Variants in PCSK5 observed in about 807,000 individuals in gnomAD.
PCSK5 encodes the protein prohormone convertase 5.
In PCSK5, 129 loss-of-function variants were observed where a neutral mutation model predicts 233.2. The observed-to-expected ratio is 0.55, with a 90% confidence interval of 0.48 to 0.64. The LOEUF is 0.64. PCSK5 is among the 30% of genes least tolerant of loss of function. The pLI is 0.00. For missense variants in PCSK5, 2,076 were observed against 2,430.1 expected, an observed-to-expected ratio of 0.85 and a Z score of 3.06; for synonymous variants, 825 against 879.2, an observed-to-expected ratio of 0.94 and a Z score of 1.09.
chr9:76,088,063 A>G (rs955803112), intron 7 of PCSK5, among the ~76,000 whole-genome samples: 16 of 152,226 alleles, frequency 1.1e-4, no homozygotes, highest in Admixed American at 1.3e-4. Context: ...AGGTACTCCC[A>G]TACAGTGTTG....
intron 5 of PCSK5, among the ~76,000 whole-genome samples, chr9:76,046,840 A>T (rs1014416620): frequency 6.7e-6 from 1 of 148,936 alleles, no homozygotes; most frequent in African/African-American, 2.5e-5. Flanking sequence ...GATTACAGGC[A>T]TGAGCCACCG....
At chr9:75,930,302 C>G (rs181275277) in intron 1 of PCSK5, among the ~76,000 whole-genome samples, 1 of 152,006 alleles carries the variant, frequency 6.6e-6, no homozygotes, top group Non-Finnish European at 1.5e-5. Flanking sequence ...TGGGTGGGGA[C>G]GCAGCCAAAC....
At chr9:76,065,847 A>G (rs1830267600) in intron 5 of PCSK5, among the ~76,000 whole-genome samples, 2 of 151,946 alleles carry the variant, frequency 1.3e-5, no homozygotes, top group South Asian at 4.2e-4. Flanking sequence ...GTGGGGGGTA[A>G]TAGTTTCATT....
intron 5 of PCSK5, among the ~76,000 whole-genome samples, chr9:76,036,849 C>T (rs1031236147): frequency 6.6e-6 from 1 of 152,188 alleles, no homozygotes; most frequent in African/African-American, 2.4e-5. Context: ...AATTCTTGTG[C>T]GGAGCACAAG....
intron 1 of PCSK5, among the ~76,000 whole-genome samples, chr9:75,924,811 C>T (rs563096993): frequency 4.6e-5 from 7 of 152,128 alleles, no homozygotes; most frequent in African/African-American, 9.7e-5. Flanking sequence ...CTTTATATTT[C>T]GAACATCTTT....
At chr9:76,230,562 G>T (rs2131314761) in intron 21 of PCSK5, among the ~76,000 whole-genome samples, 1 of 152,282 alleles carries the variant, frequency 6.6e-6, no homozygotes, top group African/African-American at 2.4e-5. Context: ...ACTGATATTG[G>T]TTCATGGCCT....
rs138368827 is a variant in PCSK5, at chr9:76,329,424, T to A, written c.4570+1185T>A. On this transcript the variant is annotated intron_variant, in intron 33 of 37. Coordinates refer to ENST00000674117, the MANE Select transcript of PCSK5 (RefSeq NM_001372043.1). The stretch of plus-strand genomic sequence containing the variant: ...ATTCTCCTGCCTCAGTCTCCCAAAG[T>A]GCTGGGATTACAGGCATGAACCACT... Among the ~76,000 whole-genome samples, 568 of 152,030 alleles carry A rather than the reference T, an allele frequency of 3.7e-3. 7 individuals carry two copies. Among genetic ancestry groups the A allele is most frequent in the African/African-American group, 0.013 (543 of 41,430 alleles).
chr9:76,034,062 G>T (rs993998634), intron 5 of PCSK5, among the ~76,000 whole-genome samples: 2 of 152,134 alleles, frequency 1.3e-5, no homozygotes, highest in Admixed American at 1.3e-4. Context: ...ACTGAAGTAA[G>T]TAACATCTTT....
chr9:75,958,822 G>T (rs760316989), intron 2 of PCSK5, among the ~76,000 whole-genome samples: 2 of 152,154 alleles, frequency 1.3e-5, no homozygotes, highest in African/African-American at 4.8e-5. Flanking sequence ...AGGTTAATTC[G>T]TGCAAAAAGC....
intron 20 of PCSK5, among the ~76,000 whole-genome samples, chr9:76,190,981 C>T (rs1824347995): frequency 6.6e-6 from 1 of 152,168 alleles, no homozygotes; most frequent in African/African-American, 2.4e-5. Flanking sequence ...CAAGTTTCCT[C>T]ACCTCTCTAG....
chr9:76,312,038 G>A (rs1828878276), intron 30 of PCSK5, among the ~76,000 whole-genome samples: 1 of 152,192 alleles, frequency 6.6e-6, no homozygotes, highest in African/African-American at 2.4e-5. Context: ...TGGAAATATA[G>A]GAGTGGTTTA....
At chr9:76,122,893 C>T (rs548296680) in intron 9 of PCSK5, among the ~76,000 whole-genome samples, 4 of 142,616 alleles carry the variant, frequency 2.8e-5, no homozygotes, top group South Asian at 4.4e-4. Context: ...TGTAGTGGTG[C>T]GATCTTGGCT....
At position 75,903,594 on chromosome 9, in the gene PCSK5, T is replaced by C. The variant is rs1230783752; in HGVS notation, c.192+12221T>C. Among the ~76,000 whole-genome samples, 2 of 141,406 alleles carry C rather than the reference T, an allele frequency of 1.4e-5. 1 individual carries two copies. The highest frequency in any genetic ancestry group is 5.3e-5 in the African/African-American group (2 of 37,670). 92.8% of individuals were successfully genotyped at this position (141,406 alleles called of 152,430 possible). ...TGTGTGTATATATATATATAAAATATATATTATATATATATATTATATATA... is the reference window on the plus strand; with the variant it reads ...TGTGTGTATATATATATATAAAATACATATTATATATATATATTATATATA... On this transcript the variant is annotated intron_variant, in intron 1 of 37. Coordinates refer to ENST00000674117, the MANE Select transcript of PCSK5 (RefSeq NM_001372043.1).
At chr9:76,070,924 A>G (rs1830459754) in intron 6 of PCSK5, among the ~76,000 whole-genome samples, 1 of 152,222 alleles carries the variant, frequency 6.6e-6, no homozygotes, top group African/African-American at 2.4e-5. Context: ...TGTTTAATTT[A>G]AACTGAAGGA....
At chr9:76,157,199 C>A in intron 11 of PCSK5, 37 bp downstream of exon 11, 1 of 1,387,012 alleles carries the variant, frequency 7.2e-7, no homozygotes, top group Non-Finnish European at 1.0e-6. Flanking sequence ...TGACAATGCC[C>A]CAAAATAGAG....
At chr9:76,132,756 C>T (rs1273335367) in intron 9 of PCSK5, among the ~76,000 whole-genome samples, 7 of 152,022 alleles carry the variant, frequency 4.6e-5, no homozygotes, top group Admixed American at 2.0e-4. Context: ...CGACATAAAG[C>T]AGATACTAGC....
intron 5 of PCSK5, among the ~76,000 whole-genome samples, chr9:76,065,910 C>A (rs1268527025): frequency 6.6e-6 from 1 of 152,120 alleles, no homozygotes; most frequent in African/African-American, 2.4e-5. Context: ...AGAGCCTATT[C>A]TTTCCCCAGT....
At position 76,296,854 on chromosome 9, in the gene PCSK5, A is replaced by G; in HGVS notation, c.3512A>G (p.Lys1171Arg). Residue 1171 changes from lysine to arginine, a missense_variant, in exon 27 of 38, where the codon AAA (lysine) becomes AGA (arginine). By Grantham distance (26) the Lys-to-Arg change is conservative. Transcript: ENST00000674117. Reference protein sequence around the residue: ...VHATKTQEEGKFWNEAVSTAN... With the variant: ...VHATKTQEEGRFWNEAVSTAN... The stretch of plus-strand genomic sequence containing the variant: ...GCCACCAAGACCCAGGAGGAGGGCA[A>G]ATTCTGGAATGGTATGTGCCCCCCA... 1 of 1,606,314 alleles carries G rather than the reference A, an allele frequency of 6.2e-7. No individual in the cohort carries two copies. Among genetic ancestry groups the G allele is most frequent in the Non-Finnish European group, 8.5e-7 (1 of 1,177,378 alleles).
chr9:76,028,284 A>G (rs1828511565), intron 5 of PCSK5, among the ~76,000 whole-genome samples: 1 of 152,234 alleles, frequency 6.6e-6, no homozygotes, highest in South Asian at 2.1e-4. Flanking sequence ...CTGCCTAGAC[A>G]GAGCCATTTT....
Sources: gnomAD v4.1 joint callset for allele counts (sites outside exome capture counted in the v4.1 genomes callset) on GRCh38, gnomAD v4.1.1 for gene constraint, MANE v1.5 for transcripts, NCBI Gene and HGNC (gene_info 2026-07-23, HGNC 2026-07-21) for gene names.